SLC17A1: variants seen among roughly 807,000 people sequenced by gnomAD.
The protein encoded by SLC17A1 is sodium-dependent phosphate transport protein 1.
A neutral mutation model predicts 53.5 loss-of-function variants in SLC17A1; 51 were observed. That is an observed-to-expected ratio of 0.95 (90% confidence interval 0.76 to 1.20). The LOEUF (loss-of-function observed/expected upper bound fraction) is 1.20. Ranked by LOEUF, SLC17A1 falls within the 50% of genes most tolerant of loss-of-function variation. The pLI, the probability that SLC17A1 is intolerant of heterozygous loss-of-function variation, is 0.00. For missense variants in SLC17A1, 538 were observed against 568.2 expected (o/e 0.95, Z 0.54); for synonymous variants, 179 against 198.8 (o/e 0.90, Z 0.84).
At chr6:25,726,324 G>C in the SLC17A1 span, 1 of 1,614,114 alleles carries the variant, frequency 6.2e-7, no homozygotes, top group Non-Finnish European at 8.5e-7. Context: ...GAGACGCATT[G>C]CCTGCCAGCT....
chr6:25,726,294 G>A, the SLC17A1 span: 5 of 1,614,036 alleles, frequency 3.1e-6, no homozygotes, highest in African/African-American at 1.3e-5. Context: ...GGGGAATAAT[G>A]CGAGTTTTTT....
At chr6:25,817,929 C>T (rs1368055296) in intron 6 of SLC17A1, among the ~76,000 whole-genome samples, 2 of 152,210 alleles carry the variant, frequency 1.3e-5, no homozygotes, top group Non-Finnish European at 1.5e-5. Context: ...TGAAGACTAA[C>T]TAACACAGTC....
chr6:25,809,226 A>G (rs1029084216), intron 10 of SLC17A1, among the ~76,000 whole-genome samples: 5 of 152,066 alleles, frequency 3.3e-5, no homozygotes, highest in Admixed American at 2.6e-4. Context: ...GTGTAGAATA[A>G]CAGACATTAG....
the SLC17A1 span, among the ~76,000 whole-genome samples, chr6:25,741,244 A>G: frequency 6.6e-6 from 1 of 152,166 alleles, no homozygotes; most frequent in Non-Finnish European, 1.5e-5. Flanking sequence ...TTACACATTG[A>G]ATGCATGTAT....
chr6:25,768,363 T>G, the SLC17A1 span: 2 of 985,774 alleles, frequency 2.0e-6, no homozygotes, highest in Non-Finnish European at 2.4e-6. Context: ...TTCCCGCTGT[T>G]GTCAAACTAA....
At chr6:25,748,732 T>C in the SLC17A1 span, among the ~76,000 whole-genome samples, 1 of 152,110 alleles carries the variant, frequency 6.6e-6, no homozygotes, top group Non-Finnish European at 1.5e-5. Context: ...GGGGAGAAGG[T>C]CAGCAAGAAA....
the SLC17A1 span, among the ~76,000 whole-genome samples, chr6:25,762,598 G>A: frequency 7.9e-5 from 12 of 152,182 alleles, no homozygotes; most frequent in Admixed American, 7.2e-4. Context: ...TTCTTTTAAG[G>A]ATATAGTCAT....
At chr6:25,784,439 G>T (rs1314136662) in intron 12 of SLC17A1, among the ~76,000 whole-genome samples, 4 of 152,138 alleles carry the variant, frequency 2.6e-5, no homozygotes, top group African/African-American at 9.7e-5. Context: ...AAGGTGAAAG[G>T]GGAGCCAGTG....
chr6:25,723,804 G>C, the SLC17A1 span, among the ~76,000 whole-genome samples: 1 of 152,032 alleles, frequency 6.6e-6, no homozygotes. Context: ...CTGTTGGGGG[G>C]GAAAATAAGT....
chr6:25,787,605 G>A (rs368820357), intron 12 of SLC17A1, among the ~76,000 whole-genome samples: 3 of 152,158 alleles, frequency 2.0e-5, no homozygotes, highest in African/African-American at 4.8e-5. Flanking sequence ...TCAAAATCAC[G>A]TAGACCTTGT....
At chr6:25,790,293 C>T (rs1406385799) in intron 12 of SLC17A1, among the ~76,000 whole-genome samples, 1 of 152,056 alleles carries the variant, frequency 6.6e-6, no homozygotes, top group Non-Finnish European at 1.5e-5. Context: ...GAAGCTCTTA[C>T]CCCTATTTAT....
intron 12 of SLC17A1, among the ~76,000 whole-genome samples, chr6:25,787,326 T>A (rs1937130): frequency 0.33 from 48,129 of 147,032 alleles, 9,320 homozygotes; most frequent in South Asian, 0.46. Context: ...ATCTCTACTT[T>A]AAAAAAAAAA....
chr6:25,792,671 CT>C (rs1561824011), intron 12 of SLC17A1, among the ~76,000 whole-genome samples: 1 of 152,186 alleles, frequency 6.6e-6, no homozygotes, highest in Non-Finnish European at 1.5e-5. Flanking sequence ...CCCCATCCTC[CT>C]CCTTGTCAAG....
chr6:25,751,900 A>G, the SLC17A1 span, among the ~76,000 whole-genome samples: 1 of 152,220 alleles, frequency 6.6e-6, no homozygotes, highest in Non-Finnish European at 1.5e-5. Context: ...TTTATGCATC[A>G]ATGGCCAGAA....
At chr6:25,733,806 A>ATGTG in the SLC17A1 span, among the ~76,000 whole-genome samples, 1,697 of 133,954 alleles carry the variant, frequency 0.013, 24 homozygotes, top group African/African-American at 0.035. Context: ...GTGTGTGTGT[A>ATGTG]TGTGTGTGTG....
At chr6:25,740,267 T>A in the SLC17A1 span, among the ~76,000 whole-genome samples, 1 of 152,118 alleles carries the variant, frequency 6.6e-6, no homozygotes, top group Non-Finnish European at 1.5e-5. Flanking sequence ...AAGACAATGA[T>A]CCTAAACCTC....
At chr6:25,777,084 C>G in the SLC17A1 span, 17 of 976,618 alleles carry the variant, frequency 1.7e-5, no homozygotes, top group Middle Eastern at 2.9e-4. Flanking sequence ...AGCACCAGCT[C>G]TACATCCTAC....
chr6:25,831,126 C>A (rs905494383), intron 1 of SLC17A1, among the ~76,000 whole-genome samples: 8 of 152,160 alleles, frequency 5.3e-5, no homozygotes, highest in Non-Finnish European at 1.2e-4. Context: ...GCTAATCATT[C>A]GTTACACGTC....
chr6:25,763,844 T>C, the SLC17A1 span, among the ~76,000 whole-genome samples: 1 of 152,066 alleles, frequency 6.6e-6, no homozygotes, highest in Non-Finnish European at 1.5e-5. Flanking sequence ...GATCCCCTTT[T>C]CCCCCAGAAG....
Sources: allele counts gnomAD v4.1 joint callset (sites outside exome capture counted in the v4.1 genomes callset), GRCh38; gene constraint gnomAD v4.1.1; transcripts MANE v1.5; gene names NCBI Gene and HGNC (gene_info 2026-07-23, HGNC 2026-07-21).